Variants in APC observed in about 807,000 individuals in gnomAD.
APC encodes the protein adenomatous polyposis coli protein.
Under a neutral mutation model 247.0 loss-of-function variants are expected in APC, and 72 were observed. The ratio of observed to expected loss-of-function variants is 0.29; its 90% CI spans 0.24 to 0.35. APC has a LOEUF of 0.35. Ranked by LOEUF, APC falls within the 10% of genes least tolerant of loss-of-function variation. The pLI is 1.00. For synonymous variants in APC, 1,254 were observed against 1,162.5 expected (o/e 1.08, Z -1.60); for missense variants, 3,400 against 3,360.7 (o/e 1.01, Z -0.29).
In APC at chr5:112,807,099, CTCTA is replaced by C. The variant is rs1347762864; in HGVS notation, c.834+5717_834+5720del. On this transcript the variant is annotated intron_variant, in intron 8 of 15. Coordinates refer to ENST00000257430, the MANE Select transcript of APC (RefSeq NM_000038.6). The stretch of plus-strand genomic sequence containing the variant: ...AGTGAGTTGAGATTGTACCACTGCA[CTCTA>C]GCCTGGGTGACAGAGCAAGACTCTA... Among the ~76,000 whole-genome samples, 3 of 150,388 alleles carry C rather than the reference CTCTA, an allele frequency of 2.0e-5. No individual in the cohort carries two copies. In the East Asian group the frequency reaches 5.9e-4, roughly 29 times the overall value.
In APC at chr5:112,840,927, C is replaced by G. The variant is rs952662066; in HGVS notation, c.5333C>G (p.Pro1778Arg). ...KKKKPTSPVK[P>R]IPQNTEYRTR... ...AAGAAACCAACTTCACCAGTAAAACCTATACCACAAAATACTGAATATAGG... is the reference window on the plus strand; with the variant it reads ...AAGAAACCAACTTCACCAGTAAAACGTATACCACAAAATACTGAATATAGG... The change falls in exon 16 of 16, where the codon CCT becomes CGT. Residue 1778 changes from proline to arginine, a missense_variant. By Grantham distance (103) the Pro-to-Arg change is moderately radical. Transcript: ENST00000257430. The surrounding 1 kb of genome is among the most constrained non-coding windows in gnomAD (Gnocchi z 4.1). 6.2e-7 allele frequency: 1 copy of G among 1,613,670 alleles called. No homozygotes were observed. The highest frequency in any genetic ancestry group is 1.1e-5 in the South Asian group (1 of 91,072).
chr5:112,808,124 C>T (rs75654137), intron 8 of APC, among the ~76,000 whole-genome samples: 4,396 of 152,234 alleles, frequency 0.029, 226 homozygotes, highest in African/African-American at 0.1. Context: ...CACTGCACTC[C>T]ACCCTGGGCA....
chr5:112,725,060 C>T (rs867640666), intron 1 of APC, among the ~76,000 whole-genome samples: 18 of 151,946 alleles, frequency 1.2e-4, no homozygotes, highest in African/African-American at 4.1e-4. Flanking sequence ...CTTGGCTCAC[C>T]GCAACCTCTG....
chr5:112,818,844 T>TGC, intron 9 of APC, 122 bp from the exon 10 acceptor site: 3 of 842,630 alleles, frequency 3.6e-6, no homozygotes, highest in East Asian at 3.3e-5. Flanking sequence ...GTTTTTTTTT[T>TGC]GGCGGGGGGG....
Position 112,804,630 on chromosome 5 carries a change from G to T in APC, c.834+3247G>T, listed in dbSNP as rs895168253. ...CTTGACCTCGTGATCCTCCCGCCTC[G>T]GCCTCCCAAATTGCTGGGATAACAG... On this transcript the variant is annotated intron_variant, in intron 8 of 15. Coordinates refer to ENST00000257430, the MANE Select transcript of APC (RefSeq NM_000038.6). 1.3e-5 allele frequency among the ~76,000 whole-genome samples: 2 copies of T among 152,072 alleles called. 1 individual carries two copies. The highest frequency in any genetic ancestry group is 4.1e-4 in the South Asian group (2 of 4,828).
At position 112,816,314 on chromosome 5, in the gene APC, A is replaced by G. The variant is rs113430217; in HGVS notation, c.933+721A>G. Reference sequence around the variant, plus strand: ...GAACCTGTCTTTTGGAAATCAAGAAATGTTTTTTTACTTATCTTTTGCTGT... The same window carrying G: ...GAACCTGTCTTTTGGAAATCAAGAAGTGTTTTTTTACTTATCTTTTGCTGT... On this transcript the variant is annotated intron_variant, in intron 9 of 15. Transcript: ENST00000257430. Among the ~76,000 whole-genome samples, 744 of 152,342 alleles carry G rather than the reference A, an allele frequency of 4.9e-3. 7 individuals are homozygous for G. Among genetic ancestry groups the G allele is most frequent in the African/African-American group, 0.017 (711 of 41,584 alleles).
intron 6 of APC, among the ~76,000 whole-genome samples, chr5:112,783,241 T>C (rs145831116): frequency 6.6e-6 from 1 of 152,312 alleles, no homozygotes; most frequent in Non-Finnish European, 1.5e-5. Flanking sequence ...GGCCATTTTG[T>C]TCACATAAGC....
At chr5:112,835,615 C>T (rs545472624) in intron 15 of APC, among the ~76,000 whole-genome samples, 9 of 150,216 alleles carry the variant, frequency 6.0e-5, no homozygotes, top group African/African-American at 2.2e-4. Context: ...CTCTGTCTCC[C>T]AGACTGGAGG....
chr5:112,738,685 A>C (rs1752623017), intron 1 of APC, among the ~76,000 whole-genome samples: 1 of 152,262 alleles, frequency 6.6e-6, no homozygotes, highest in African/African-American at 2.4e-5. Context: ...GAGGAATAAG[A>C]AACCTTGCAG....
At chr5:112,721,933 G>A (rs1003694988) in intron 1 of APC, among the ~76,000 whole-genome samples, 2 of 152,022 alleles carry the variant, frequency 1.3e-5, no homozygotes, top group African/African-American at 4.8e-5. Context: ...TTACGAATTT[G>A]TGTTGGGCTG....
rs754354718 is a variant in APC at position 112,766,429 on chromosome 5, T to C, written c.220+19T>C. 1.3e-6 allele frequency: 2 copies of C among 1,562,380 alleles called. No individual in the cohort carries two copies. Among genetic ancestry groups the C allele is most frequent in the East Asian group, 4.5e-5 (2 of 44,480 alleles). On this transcript the variant is annotated intron_variant, in intron 3 of 15. Transcript: ENST00000257430. ...CTTAAAGGTAGATTTTAAAAAGGTGTTTTAAAATAATTTTTTAAGCTCAAA... is the reference window on the plus strand; with the variant it reads ...CTTAAAGGTAGATTTTAAAAAGGTGCTTTAAAATAATTTTTTAAGCTCAAA...
chr5:112,827,285 G>C lies in APC; in HGVS notation c.1548+38G>C, dbSNP rs757871825. On this transcript the variant is annotated intron_variant, in intron 12 of 15. Coordinates refer to ENST00000257430, the MANE Select transcript of APC (RefSeq NM_000038.6). Reference sequence around the variant, plus strand: ...AACATGTATTTCTTAAGATAGCTCAGGTATGAGTTAATTTACTTTCATACA... The same window carrying C: ...AACATGTATTTCTTAAGATAGCTCACGTATGAGTTAATTTACTTTCATACA... 51 of 1,608,880 alleles carry C rather than the reference G, an allele frequency of 3.2e-5. No homozygotes were observed. The East Asian group carries it at 1.1e-3, about 33-fold the overall frequency.
chr5:112,838,360 TAGA>T lies in APC; in HGVS notation c.2772_2774del (p.Arg924del), dbSNP rs1554084439. 3.1e-6 allele frequency: 5 copies of T among 1,614,174 alleles called. No individual in the cohort carries two copies. The South Asian group carries it at 4.4e-5, about 14-fold the overall frequency. On this transcript the variant is annotated inframe_deletion, in exon 16 of 16. Transcript: ENST00000257430. ...GTGTGACAGATGAGAGAAATGCACT[TAGA>T]AGAAGCTCTGCTGCCCATACACATT...
At chr5:112,765,457 C>T (rs1756182221) in intron 2 of APC, among the ~76,000 whole-genome samples, 1 of 152,094 alleles carries the variant, frequency 6.6e-6, no homozygotes, top group Admixed American at 6.5e-5. Flanking sequence ...GTCTTTGCTC[C>T]AGTCACTCAC....
At chr5:112,721,992 A>G (rs1420182466) in intron 1 of APC, among the ~76,000 whole-genome samples, 1 of 152,200 alleles carries the variant, frequency 6.6e-6, no homozygotes, top group Non-Finnish European at 1.5e-5. Context: ...AATTTGCTCT[A>G]GACCCTTCAG....
chr5:112,745,842 C>G (rs1753611535), intron 1 of APC, among the ~76,000 whole-genome samples: 1 of 152,006 alleles, frequency 6.6e-6, no homozygotes, highest in Non-Finnish European at 1.5e-5. Flanking sequence ...GCGTGAGCCA[C>G]CACGCCAGCC....
chr5:112,775,176 C>T (rs184576946), intron 4 of APC, among the ~76,000 whole-genome samples: 130 of 152,222 alleles, frequency 8.5e-4, no homozygotes, highest in African/African-American at 2.8e-3. Flanking sequence ...ATTATTTTGG[C>T]TGCTGTGAAG....
At chr5:112,738,986 C>T (rs1752664748) in intron 1 of APC, among the ~76,000 whole-genome samples, 1 of 152,182 alleles carries the variant, frequency 6.6e-6, no homozygotes, top group South Asian at 2.1e-4. Flanking sequence ...GAGCAAACCA[C>T]TTTACAACGT....
At position 112,815,359 on chromosome 5, in the gene APC, A is replaced by G. The variant is rs1762386826; in HGVS notation, c.835-136A>G. ...CGTATAGGTAAAAAATATTTTGAAC[A>G]GTTATAATGGTCATACTTTTATGAT... On this transcript the variant is annotated intron_variant, in intron 8 of 15. Coordinates refer to ENST00000257430, the MANE Select transcript of APC (RefSeq NM_000038.6). 4 of 610,776 alleles carry G rather than the reference A, an allele frequency of 6.5e-6. No homozygotes were observed. In the African/African-American group the frequency reaches 7.5e-5, roughly 11 times the overall value. 37.8% of individuals were successfully genotyped at this position (610,776 alleles called of 1,614,324 possible).
Sources: gnomAD v4.1 joint callset for allele counts (sites outside exome capture counted in the v4.1 genomes callset) on GRCh38, gnomAD v4.1.1 for gene constraint, Gnocchi (gnomAD v3.1) non-coding constraint, MANE v1.5 for transcripts, NCBI Gene and HGNC (gene_info 2026-07-23, HGNC 2026-07-21) for gene names.